The following ROBO1 variants were observed in gnomAD, a reference collection of about 807,000 sequenced individuals.
The protein encoded by ROBO1 is roundabout homolog 1.
Under a neutral mutation model 195.9 loss-of-function variants are expected in ROBO1, and 149 were observed. The ratio of observed to expected loss-of-function variants is 0.76; its 90% CI spans 0.67 to 0.87. The LOEUF (loss-of-function observed/expected upper bound fraction) is 0.87. Ranked by LOEUF, ROBO1 falls within the 40% of genes least tolerant of loss-of-function variation. ROBO1 has a pLI of 0.00. For missense variants in ROBO1, 1,933 were observed against 2,068.3 expected, an observed-to-expected ratio of 0.93 and a Z score of 1.27; for synonymous variants, 816 against 733.2, an observed-to-expected ratio of 1.11 and a Z score of -1.82.
chr3:79,367,548 C>A (rs999926036), intron 2 of ROBO1, among the ~76,000 whole-genome samples: 3 of 152,156 alleles, frequency 2.0e-5, no homozygotes, highest in South Asian at 4.1e-4. Flanking sequence ...TACTGTCTAC[C>A]CATCGTTCGT....
chr3:79,320,262 T>C (rs895283284), intron 2 of ROBO1, among the ~76,000 whole-genome samples: 1 of 152,172 alleles, frequency 6.6e-6, no homozygotes, highest in Non-Finnish European at 1.5e-5. Flanking sequence ...GGGTCTCTAT[T>C]AAGCAGGTGC....
At chr3:78,709,091 C>G (rs1029640437) in intron 8 of ROBO1, among the ~76,000 whole-genome samples, 2 of 152,124 alleles carry the variant, frequency 1.3e-5, no homozygotes, top group African/African-American at 4.8e-5. Flanking sequence ...ATAAATGTAA[C>G]AACACTGATG....
At chr3:79,282,522 G>A (rs532010741) in intron 2 of ROBO1, among the ~76,000 whole-genome samples, 1 of 152,320 alleles carries the variant, frequency 6.6e-6, no homozygotes, top group Non-Finnish European at 1.5e-5. Flanking sequence ...AAATGAATTT[G>A]TAAAACATTG....
intron 1 of ROBO1, among the ~76,000 whole-genome samples, chr3:79,687,094 C>T (rs571540333): frequency 8.5e-4 from 130 of 152,230 alleles, no homozygotes; most frequent in African/African-American, 3.1e-3. Context: ...TTTGACAAAC[C>T]TGAGAAAAAC....
chr3:78,829,017 A>G (rs1439761461), intron 4 of ROBO1, among the ~76,000 whole-genome samples: 1 of 152,208 alleles, frequency 6.6e-6, no homozygotes, highest in African/African-American at 2.4e-5. Context: ...ATTACAGAGC[A>G]CCGTTAGGCA....
At chr3:78,797,496 T>C (rs1322505881) in intron 4 of ROBO1, among the ~76,000 whole-genome samples, 2 of 152,172 alleles carry the variant, frequency 1.3e-5, no homozygotes, top group Non-Finnish European at 2.9e-5. Context: ...TTTATAGCTG[T>C]ACCTTAGCTA....
At chr3:79,736,250 G>A (rs949367646) in intron 1 of ROBO1, among the ~76,000 whole-genome samples, 2 of 152,204 alleles carry the variant, frequency 1.3e-5, no homozygotes, top group African/African-American at 4.8e-5. Flanking sequence ...AAAGGATAGA[G>A]AGCAGGCTAC....
At chr3:79,494,122 T>C (rs949362057) in intron 2 of ROBO1, among the ~76,000 whole-genome samples, 2 of 152,200 alleles carry the variant, frequency 1.3e-5, no homozygotes, top group African/African-American at 4.8e-5. Context: ...ATGTGGACTT[T>C]GGACTGCTCC....
At chr3:79,552,839 T>C (rs1942571358) in intron 2 of ROBO1, among the ~76,000 whole-genome samples, 1 of 152,086 alleles carries the variant, frequency 6.6e-6, no homozygotes, top group South Asian at 2.1e-4. Flanking sequence ...CACACTGTAA[T>C]TCCTTATGGG....
chr3:78,707,162 T>C (rs2081572621), intron 8 of ROBO1, among the ~76,000 whole-genome samples: 1 of 152,192 alleles, frequency 6.6e-6, no homozygotes, highest in Non-Finnish European at 1.5e-5. Context: ...TGCGGTGTCC[T>C]AGATATTCCA....
chr3:79,392,757 T>C (rs2037000361), intron 2 of ROBO1, among the ~76,000 whole-genome samples: 1 of 152,182 alleles, frequency 6.6e-6, no homozygotes, highest in Non-Finnish European at 1.5e-5. Flanking sequence ...AGAGATAGTA[T>C]ATCATCAAAT....
chr3:79,601,085 G>C (rs1210620716), intron 1 of ROBO1, among the ~76,000 whole-genome samples: 2 of 151,872 alleles, frequency 1.3e-5, no homozygotes, highest in Non-Finnish European at 2.9e-5. Context: ...GAAGTAATCA[G>C]GCTTCTGGAA....
rs574049192 is a variant in ROBO1, at chr3:79,259,923, A to C, written c.89-134384T>G. 3.9e-4 allele frequency among the ~76,000 whole-genome samples: 59 copies of C among 152,246 alleles called. 1 individual carries two copies. Among genetic ancestry groups the C allele is most frequent in the African/African-American group, 1.4e-3 (58 of 41,554 alleles). On this transcript the variant is annotated intron_variant, in intron 2 of 30. Transcript: ENST00000464233. The stretch of plus-strand genomic sequence containing the variant: ...AAAATGCATTTGTAATTCTTGCTTC[A>C]TCAGTAGGTATTTTGTTTCAGGCCT...
At chr3:79,464,713 C>A (rs1406748107) in intron 2 of ROBO1, among the ~76,000 whole-genome samples, 2 of 151,860 alleles carry the variant, frequency 1.3e-5, no homozygotes, top group African/African-American at 2.4e-5. Context: ...TGATGATATC[C>A]ATTATTACAC....
intron 1 of ROBO1, among the ~76,000 whole-genome samples, chr3:79,655,420 G>A (rs1316075635): frequency 6.6e-6 from 1 of 151,906 alleles, no homozygotes; most frequent in Non-Finnish European, 1.5e-5. Flanking sequence ...TCTTCAAAAA[G>A]GAAGTTGCAA....
At chr3:79,607,209 T>C (rs1944516553) in intron 1 of ROBO1, among the ~76,000 whole-genome samples, 1 of 151,358 alleles carries the variant, frequency 6.6e-6, no homozygotes, top group African/African-American at 2.4e-5. Flanking sequence ...GAAAAAAAGA[T>C]GTTCTTTTTA....
At chr3:79,545,258 T>C (rs1314903074) in intron 2 of ROBO1, among the ~76,000 whole-genome samples, 1 of 152,146 alleles carries the variant, frequency 6.6e-6, no homozygotes, top group Non-Finnish European at 1.5e-5. Flanking sequence ...AGGAGAAAAG[T>C]ATTCATCAAA....
At chr3:78,861,897 A>G (rs953382345) in intron 4 of ROBO1, among the ~76,000 whole-genome samples, 41 of 152,222 alleles carry the variant, frequency 2.7e-4, no homozygotes, top group African/African-American at 9.2e-4. Flanking sequence ...GAACAGGGAA[A>G]GGCTGCCTGC....
Position 78,799,427 on chromosome 3 carries a change from T to C in ROBO1, c.500-52527A>G, listed in dbSNP as rs191827103. ...CACAATCTCGGCTCACTGCAAGCTC[T>C]GCCTCCCGGGTTCACGCCATTCTCC... On this transcript the variant is annotated intron_variant, in intron 4 of 30. Coordinates refer to ENST00000464233, the MANE Select transcript of ROBO1 (RefSeq NM_002941.4). Among the ~76,000 whole-genome samples the C allele has an allele frequency of 4.0e-3, 605 of 150,290 alleles. 18 individuals are homozygous for C. The East Asian group carries it at 0.074, about 18-fold the overall frequency.
Sources: allele counts gnomAD v4.1 joint callset (sites outside exome capture counted in the v4.1 genomes callset), GRCh38; gene constraint gnomAD v4.1.1; transcripts MANE v1.5; gene names NCBI Gene and HGNC (gene_info 2026-07-23, HGNC 2026-07-21).